Variants in CACNA1D observed in about 807,000 individuals in gnomAD.
CACNA1D encodes calcium voltage-gated channel subunit alpha1 D.
In CACNA1D, 55 loss-of-function variants were observed where a neutral mutation model predicts 257.1. The ratio of observed to expected loss-of-function variants is 0.21; its 90% CI spans 0.17 to 0.27. The LOEUF (loss-of-function observed/expected upper bound fraction) is 0.27. CACNA1D is among the 10% of genes least tolerant of loss of function. CACNA1D has a pLI of 1.00. For synonymous variants in CACNA1D, 980 were observed against 1,014.9 expected (o/e 0.97, Z 0.65); for missense variants, 1,876 against 2,784.0 (o/e 0.67, Z 7.34).
chr3:53,759,521 C>T (rs1304681615), intron 29 of CACNA1D, among the ~76,000 whole-genome samples: 2 of 152,256 alleles, frequency 1.3e-5, no homozygotes, highest in Non-Finnish European at 2.9e-5. Context: ...TCTCCTCCGC[C>T]TTGTCAGTAC....
At chr3:53,766,800 G>A (rs1402802283) in intron 30 of CACNA1D, among the ~76,000 whole-genome samples, 3 of 152,216 alleles carry the variant, frequency 2.0e-5, no homozygotes, top group Non-Finnish European at 4.4e-5. Context: ...GGAAGGAACT[G>A]CCAAGTTTGT....
chr3:53,801,367 G>A lies in CACNA1D; in HGVS notation c.5350G>A (p.Gly1784Arg). The A allele has an allele frequency of 6.2e-7, 1 of 1,614,162 alleles. No homozygotes were observed. Among genetic ancestry groups the A allele is most frequent in the Non-Finnish European group, 8.5e-7 (1 of 1,180,016 alleles). The stretch of plus-strand genomic sequence containing the variant: ...GAACCTTGAGCATGTGTCTGAAAAT[G>A]GGCATCATTCTTCCCACAAGCATGA... Reference protein sequence around the residue: ...IGNLEHVSENGHHSSHKHDRE... With the variant: ...IGNLEHVSENRHHSSHKHDRE... Residue 1784 changes from glycine to arginine, a missense_variant, in exon 42 of 48, where the codon GGG (glycine) becomes AGG (arginine). Gly to Arg is a moderately radical substitution (Grantham distance 125). Around this residue, in one of 10 missense-constraint regions of CACNA1D, gnomAD observed 491 missense variants for 554.3 expected, o/e 0.89. Coordinates refer to ENST00000350061, the MANE Select transcript of CACNA1D (RefSeq NM_001128840.3).
chr3:53,519,151 ATAGTGATGC>A (rs2091457474), intron 3 of CACNA1D, among the ~76,000 whole-genome samples: 1 of 152,198 alleles, frequency 6.6e-6, no homozygotes, highest in African/African-American at 2.4e-5. Context: ...GGGGTTCTGC[ATAGTGATGC>A]TACATGCCTG....
At chr3:53,760,703 A>G (rs575924614) in intron 29 of CACNA1D, among the ~76,000 whole-genome samples, 3 of 152,338 alleles carry the variant, frequency 2.0e-5, no homozygotes, top group East Asian at 1.9e-4. Context: ...CGGCACATAC[A>G]TATAGATTTT....
Position 53,735,398 on chromosome 3 carries a change from C to A in CACNA1D, c.2646C>A (p.Leu882=). ...TNPIRVGCHK[L]INHHIFTNLI... ...GGATCCGCGTAGGCTGCCACAAGCTCATCAACCACCACATCTTCACCAACC... is the reference window on the plus strand; with the variant it reads ...GGATCCGCGTAGGCTGCCACAAGCTAATCAACCACCACATCTTCACCAACC... The change falls in exon 20 of 48, where the codon CTC becomes CTA. Residue 882 remains leucine (L), a synonymous_variant. Coordinates refer to ENST00000350061, the MANE Select transcript of CACNA1D (RefSeq NM_001128840.3). 5.6e-6 allele frequency: 9 copies of A among 1,614,122 alleles called. No homozygotes were observed. Among genetic ancestry groups the A allele is most frequent in the Non-Finnish European group, 7.6e-6 (9 of 1,179,920 alleles).
At chr3:53,548,111 C>T (rs1275373810) in intron 3 of CACNA1D, among the ~76,000 whole-genome samples, 1 of 152,178 alleles carries the variant, frequency 6.6e-6, no homozygotes, top group African/African-American at 2.4e-5. Flanking sequence ...TGGTTTACTT[C>T]TTTCTCTTGG....
chr3:53,802,035 A>G (rs533191466), intron 42 of CACNA1D, 112 bp from the exon 43 acceptor site: 2 of 939,296 alleles, frequency 2.1e-6, no homozygotes, highest in East Asian at 2.4e-5. Flanking sequence ...ATGGCGAATC[A>G]TAATTTGCTA....
At chr3:53,553,837 A>G (rs2092584951) in intron 3 of CACNA1D, among the ~76,000 whole-genome samples, 1 of 151,322 alleles carries the variant, frequency 6.6e-6, no homozygotes, top group South Asian at 2.1e-4. Flanking sequence ...AGGTTCTTCT[A>G]AGGCCTAAGC....
At chr3:53,712,952 A>T (rs1478400151) in intron 9 of CACNA1D, among the ~76,000 whole-genome samples, 2 of 152,086 alleles carry the variant, frequency 1.3e-5, no homozygotes, top group Non-Finnish European at 2.9e-5. Flanking sequence ...TGACTGGAGG[A>T]CTGAGGCTCT....
intron 3 of CACNA1D, among the ~76,000 whole-genome samples, chr3:53,619,369 C>T (rs1224603734): frequency 6.6e-6 from 1 of 152,186 alleles, no homozygotes; most frequent in Non-Finnish European, 1.5e-5. Context: ...ATCATAGGTT[C>T]AGGTTATTTC....
chr3:53,803,327 A>C (rs777634874), intron 43 of CACNA1D, 96 bp from the exon 44 acceptor site: 296 of 1,406,234 alleles, frequency 2.1e-4, no homozygotes, highest in Non-Finnish European at 2.3e-4. Context: ...AGCCAGGAGC[A>C]CCCGGGCAGG....
chr3:53,638,105 G>A (rs1310351168), intron 3 of CACNA1D, among the ~76,000 whole-genome samples: 2 of 152,234 alleles, frequency 1.3e-5, no homozygotes, highest in Non-Finnish European at 2.9e-5. Context: ...TTTCTCTGAT[G>A]AGATGAGTGC....
chr3:53,562,239 A>G (rs1226255687), intron 3 of CACNA1D, among the ~76,000 whole-genome samples: 1 of 149,790 alleles, frequency 6.7e-6, no homozygotes, highest in Non-Finnish European at 1.5e-5. Flanking sequence ...GGATTTTATC[A>G]CAATGAAGAA....
At chr3:53,501,523 A>G (rs2107128252) in intron 2 of CACNA1D, 92 bp from the exon 3 acceptor site, 2 of 746,080 alleles carry the variant, frequency 2.7e-6, no homozygotes, top group South Asian at 2.9e-5. Context: ...TTTTCCTTTT[A>G]AAAGTGCTTT....
chr3:53,589,613 T>C (rs1268043669), intron 3 of CACNA1D, among the ~76,000 whole-genome samples: 1 of 151,876 alleles, frequency 6.6e-6, no homozygotes, highest in Non-Finnish European at 1.5e-5. Flanking sequence ...TTTTCCTCTA[T>C]GTGCTTTTCT....
At chr3:53,733,930 T>TTTGTG (rs2095026701) in intron 19 of CACNA1D, among the ~76,000 whole-genome samples, 5 of 134,030 alleles carry the variant, frequency 3.7e-5, no homozygotes, top group Admixed American at 7.5e-5. Context: ...GTGTGTGTGT[T>TTTGTG]TGTGTGTGTG....
intron 35 of CACNA1D, 72 bp downstream of exon 35, chr3:53,776,117 C>A: frequency 7.2e-7 from 1 of 1,379,642 alleles, no homozygotes; most frequent in Non-Finnish European, 1.0e-6. Flanking sequence ...ACACAAATGG[C>A]CTTGCCCTGT....
At chr3:53,562,653 C>CT (rs1010613228) in intron 3 of CACNA1D, among the ~76,000 whole-genome samples, 3 of 126,918 alleles carry the variant, frequency 2.4e-5, no homozygotes, top group Non-Finnish European at 5.6e-5. Context: ...TCATAAATGC[C>CT]TCCCCCCCCA....
rs890692946 is a variant in CACNA1D at position 53,801,438 on chromosome 3, A to G, written c.5408+13A>G. Reference sequence around the variant, plus strand: ...CCAGTGTGAAAAGGTAACCTTGACAATGTGTTTGGACTTGCTCATGTGGTG... The same window carrying G: ...CCAGTGTGAAAAGGTAACCTTGACAGTGTGTTTGGACTTGCTCATGTGGTG... On this transcript the variant is annotated intron_variant, in intron 42 of 47. Transcript: ENST00000350061. The G allele has an allele frequency of 3.1e-6, 5 of 1,613,140 alleles. No individual in the cohort carries two copies. The highest frequency in any genetic ancestry group is 2.2e-5 in the East Asian group (1 of 44,902).
Sources: gnomAD v4.1 joint callset for allele counts (sites outside exome capture counted in the v4.1 genomes callset) on GRCh38, gnomAD v4.1.1 for gene constraint, gnomAD v4.1.1 regional missense constraint, MANE v1.5 for transcripts, NCBI Gene and HGNC (gene_info 2026-07-23, HGNC 2026-07-21) for gene names.